Variants in EIF4G3 observed in about 807,000 individuals in gnomAD.
EIF4G3 encodes eIF-4-gamma 3.
In EIF4G3, 34 loss-of-function variants were observed where a neutral mutation model predicts 186.4. The ratio of observed to expected loss-of-function variants is 0.18; its 90% confidence interval spans 0.14 to 0.24. The LOEUF (loss-of-function observed/expected upper bound fraction) is 0.24, where lower values mean the gene tolerates loss of function less well. Ranked by LOEUF, EIF4G3 falls within the 10% of genes least tolerant of loss-of-function variation. The pLI, the probability that EIF4G3 is intolerant of heterozygous loss-of-function variation, is 1.00. For missense variants in EIF4G3, 1,536 were observed against 1,948.5 expected (o/e 0.79, Z 3.99); for synonymous variants, 673 against 679.5 (o/e 0.99, Z 0.15).
chr1:21,023,277 C>T (rs1026038017), intron 4 of EIF4G3, among the ~76,000 whole-genome samples: 10 of 137,814 alleles, frequency 7.3e-5, no homozygotes, highest in African/African-American at 2.7e-4. Flanking sequence ...TCTCCCTCTC[C>T]CCACGGTCTC....
chr1:20,808,888 T>C (rs1037960459), intron 36 of EIF4G3, among the ~76,000 whole-genome samples: 5 of 152,226 alleles, frequency 3.3e-5, no homozygotes, highest in Admixed American at 6.5e-5. Context: ...GTTATTATAG[T>C]CAGCTCTCCG....
chr1:20,857,867 T>C (rs1158699672), intron 24 of EIF4G3, among the ~76,000 whole-genome samples: 3 of 152,228 alleles, frequency 2.0e-5, no homozygotes, highest in Non-Finnish European at 4.4e-5. Context: ...TAAAGTATAT[T>C]GTATTTAATG....
chr1:20,918,159 T>C (rs1341794616), intron 14 of EIF4G3, among the ~76,000 whole-genome samples: 2 of 152,070 alleles, frequency 1.3e-5, no homozygotes, highest in Non-Finnish European at 1.5e-5. Context: ...GTCTGATATA[T>C]AGTCTTCTAC....
At chr1:20,837,185 G>A (rs528386821) in intron 30 of EIF4G3, among the ~76,000 whole-genome samples, 80 of 152,208 alleles carry the variant, frequency 5.3e-4, no homozygotes, top group African/African-American at 1.8e-3. Flanking sequence ...TACCTCACCA[G>A]GGACCAGTAT....
intron 20 of EIF4G3, among the ~76,000 whole-genome samples, chr1:20,876,410 T>C (rs2080846569): frequency 7.3e-6 from 1 of 136,590 alleles, no homozygotes; most frequent in Admixed American, 7.7e-5. Flanking sequence ...CTATCTGTAA[T>C]GACCTAGACG....
rs142420207 is a variant in EIF4G3, at chr1:20,966,399, T to C, written c.714+3075A>G. The stretch of plus-strand genomic sequence containing the variant: ...ATTGCTATTTTGTTAAGGAAATTAG[T>C]TGCCAATATTTATAACTTGCAGCTT... On this transcript the variant is annotated intron_variant, in intron 12 of 36. Coordinates refer to ENST00000602326, the MANE Select transcript of EIF4G3 (RefSeq NM_001391906.1). 6.2e-3 allele frequency among the ~76,000 whole-genome samples: 950 copies of C among 152,294 alleles called. 9 individuals carry two copies. Among genetic ancestry groups the C allele is most frequent in the Non-Finnish European group, 8.9e-3 (603 of 68,026 alleles).
At chr1:21,051,834 A>T (rs957271024) in intron 3 of EIF4G3, among the ~76,000 whole-genome samples, 4 of 152,228 alleles carry the variant, frequency 2.6e-5, no homozygotes, top group African/African-American at 9.6e-5. Context: ...ACTGTACTAC[A>T]ACCTGAGTGA....
chr1:20,864,850 A>G, intron 21 of EIF4G3, 138 bp from the exon 22 acceptor site: 1 of 871,428 alleles, frequency 1.1e-6, no homozygotes, highest in East Asian at 2.5e-5. Context: ...ACTGAACTAT[A>G]CCCATCCATT....
chr1:20,829,044 G>T, intron 31 of EIF4G3, 103 bp downstream of exon 31: 1 of 1,271,366 alleles, frequency 7.9e-7, no homozygotes, highest in Non-Finnish European at 1.1e-6. Context: ...GCATTCATGA[G>T]TCTCCAAAGG....
chr1:21,051,655 C>T (rs1380101342), intron 3 of EIF4G3, among the ~76,000 whole-genome samples: 1 of 152,046 alleles, frequency 6.6e-6, no homozygotes, highest in African/African-American at 2.4e-5. Flanking sequence ...AGTTTCAGAC[C>T]AGCCTGTGCA....
intron 12 of EIF4G3, among the ~76,000 whole-genome samples, chr1:20,968,082 C>T (rs1333827631): frequency 1.3e-5 from 2 of 152,082 alleles, no homozygotes; most frequent in African/African-American, 4.8e-5. Flanking sequence ...CTGCAATTGG[C>T]TTCACTTTAG....
intron 29 of EIF4G3, among the ~76,000 whole-genome samples, chr1:20,849,047 A>AAG (rs1571598583): frequency 2.2e-5 from 2 of 90,768 alleles, no homozygotes; most frequent in African/African-American, 4.4e-5. Flanking sequence ...ACTCTGTCTC[A>AAG]AAAAAAAAAA....
chr1:21,059,884 A>G (rs1305234942), intron 3 of EIF4G3, among the ~76,000 whole-genome samples: 3 of 152,264 alleles, frequency 2.0e-5, no homozygotes, highest in African/African-American at 7.2e-5. Flanking sequence ...AGAAAGAAGC[A>G]CTTCCAAAAA....
intron 14 of EIF4G3, among the ~76,000 whole-genome samples, chr1:20,939,777 C>T (rs1026755745): frequency 6.6e-6 from 1 of 150,938 alleles, no homozygotes; most frequent in African/African-American, 2.4e-5. Context: ...AAACAAATTA[C>T]TGTTCTCCAA....
At chr1:20,977,968 T>A (rs867612740) in intron 10 of EIF4G3, among the ~76,000 whole-genome samples, 3 of 152,130 alleles carry the variant, frequency 2.0e-5, no homozygotes, top group Admixed American at 1.3e-4. Flanking sequence ...AGATTACAAT[T>A]CAGTAAGACA....
intron 13 of EIF4G3, among the ~76,000 whole-genome samples, chr1:20,947,182 A>G (rs1414690732): frequency 2.0e-5 from 3 of 152,056 alleles, no homozygotes; most frequent in Admixed American, 1.3e-4. Context: ...CCTCGCCTCT[A>G]GAAATACAAA....
intron 4 of EIF4G3, among the ~76,000 whole-genome samples, chr1:21,032,259 C>A (rs913472793): frequency 6.6e-6 from 1 of 152,080 alleles, no homozygotes; most frequent in Non-Finnish European, 1.5e-5. Flanking sequence ...AAAGGATAGG[C>A]ATGAAAGGTG....
At chr1:20,984,378 C>A (rs2078966958) in intron 7 of EIF4G3, among the ~76,000 whole-genome samples, 1 of 151,798 alleles carries the variant, frequency 6.6e-6, no homozygotes, top group Admixed American at 6.6e-5. Context: ...ATTGGCCAGG[C>A]TGGTCTCGAA....
intron 14 of EIF4G3, among the ~76,000 whole-genome samples, chr1:20,918,042 CTTTTT>C (rs1445254333): frequency 6.6e-6 from 1 of 151,910 alleles, no homozygotes; most frequent in Non-Finnish European, 1.5e-5. Flanking sequence ...TTATCTTTTA[CTTTTT>C]GTTTTTAATG....
Sources: gnomAD v4.1 joint callset for allele counts (sites outside exome capture counted in the v4.1 genomes callset) on GRCh38, gnomAD v4.1.1 for gene constraint, MANE v1.5 for transcripts, NCBI Gene and HGNC (gene_info 2026-07-23, HGNC 2026-07-21) for gene names.